The following MYO5A variants were observed in gnomAD, a reference collection of about 807,000 sequenced individuals.
MYO5A encodes unconventional myosin-Va.
Under a neutral mutation model 249.7 loss-of-function variants are expected in MYO5A, and 98 were observed. The ratio of observed to expected loss-of-function variants is 0.39; its 90% CI spans 0.33 to 0.46. The LOEUF is 0.46. MYO5A is among the 20% of genes least tolerant of loss of function. The pLI is 0.98. For missense variants in MYO5A, 1,696 were observed against 2,308.8 expected (o/e 0.73, Z 5.44); for synonymous variants, 778 against 810.6 (o/e 0.96, Z 0.68).
chr15:52,485,664 C>T (rs990788726), intron 1 of MYO5A, among the ~76,000 whole-genome samples: 2 of 152,128 alleles, frequency 1.3e-5, no homozygotes, highest in Non-Finnish European at 2.9e-5. Context: ...TTTTTCACAT[C>T]ATAGCCAGAA....
In MYO5A at chr15:52,375,340, G is replaced by A. The variant is rs766946436; in HGVS notation, c.2541C>T (p.Tyr847=). 2.5e-6 allele frequency: 4 copies of A among 1,614,130 alleles called. No individual in the cohort carries two copies. The highest frequency in any genetic ancestry group is 3.4e-6 in the Non-Finnish European group (4 of 1,179,982). Residue 847 remains tyrosine, a synonymous_variant, in exon 20 of 42, where the codon TAC becomes TAT. Transcript: ENST00000399233. ...TATTTCTGGCCAAGAAGCCTCGCAA[G>A]TAAGACTGAAGAACGATAGTGGCAG... The part of the protein sequence containing the change: ...RRAATIVLQS[Y]LRGFLARNRY...
At chr15:52,400,324 GA>G (rs1228694641) in intron 9 of MYO5A, among the ~76,000 whole-genome samples, 1 of 152,106 alleles carries the variant, frequency 6.6e-6, no homozygotes, top group Admixed American at 6.5e-5. Flanking sequence ...CCTTTTGTGT[GA>G]GGGGGCAGGG....
chr15:52,389,376 A>G lies in MYO5A; in HGVS notation c.1543-13T>C, dbSNP rs1724623. On this transcript the variant is annotated splice_polypyrimidine_tract_variant and intron_variant, in intron 12 of 41. Coordinates refer to ENST00000399233, the MANE Select transcript of MYO5A (RefSeq NM_001382347.1). ...TGCCTTTAGGCATCTATATTCATGG[A>G]AAAAAGGAAGAAAGAAAACAAGGTA... is the stretch of plus-strand genomic sequence containing the variant. 0.98 allele frequency: 1,575,059 copies of G among 1,602,854 alleles called. 774,133 individuals are homozygous for G. The highest frequency in any genetic ancestry group is 1 in the Non-Finnish European group (1,172,887 of 1,175,952).
rs916222177 is a variant in MYO5A at position 52,307,799 on chromosome 15, G to T, written c.*5897C>A. Reference sequence around the variant, plus strand: ...TAAAATACAATATGTTAAATGGCATGAACTCATTTTTGCGCAACACTGTTA... The same window carrying T: ...TAAAATACAATATGTTAAATGGCATTAACTCATTTTTGCGCAACACTGTTA... On this transcript the variant is annotated 3_prime_UTR_variant, in exon 42 of 42. Transcript: ENST00000399233. 8.5e-5 allele frequency: 13 copies of T among 152,104 alleles called. No homozygotes were observed. The highest frequency in any genetic ancestry group is 7.4e-5 in the Non-Finnish European group (5 of 67,996). The allele number at this position is 152,104 out of a possible 1,614,324, so 9.4% of individuals were successfully genotyped here. A position where few individuals can be genotyped will look rare whatever the true frequency, so the allele number is the denominator to read the frequency against.
At chr15:52,366,089 A>C (rs1476760838) in intron 23 of MYO5A, among the ~76,000 whole-genome samples, 1 of 152,020 alleles carries the variant, frequency 6.6e-6, no homozygotes, top group African/African-American at 2.4e-5. Context: ...TTACCACCAC[A>C]GTTTTAATGG....
At chr15:52,322,545 C>T (rs1157386230) in intron 37 of MYO5A, among the ~76,000 whole-genome samples, 1 of 152,198 alleles carries the variant, frequency 6.6e-6, no homozygotes, top group Non-Finnish European at 1.5e-5. Context: ...GACTATAATT[C>T]CTACCTCACA....
intron 14 of MYO5A, among the ~76,000 whole-genome samples, chr15:52,386,225 C>T (rs1327730257): frequency 6.6e-6 from 1 of 151,992 alleles, no homozygotes. Flanking sequence ...GGAAGGATCA[C>T]CTGAGCCAGG....
At chr15:52,431,005 G>T (rs1042214080) in intron 2 of MYO5A, among the ~76,000 whole-genome samples, 9 of 149,792 alleles carry the variant, frequency 6.0e-5, no homozygotes, top group Non-Finnish European at 1.2e-4. Flanking sequence ...GCCGAGGTGG[G>T]TGGATCACTT....
chr15:52,437,968 T>G lies in MYO5A; in HGVS notation c.28-4683A>C, dbSNP rs745347702. The G allele has an allele frequency of 9.5e-4, 872 of 921,422 alleles. 1 individual carries two copies. Among genetic ancestry groups the G allele is most frequent in the Non-Finnish European group, 1.1e-3 (859 of 771,760 alleles). The allele number at this position is 921,422 out of a possible 1,614,324, so 57.1% of individuals were successfully genotyped here. A position where few individuals can be genotyped will look rare whatever the true frequency, so the allele number is the denominator to read the frequency against. On this transcript the variant is annotated intron_variant, in intron 1 of 41. Coordinates refer to ENST00000399233, the MANE Select transcript of MYO5A (RefSeq NM_001382347.1). ...CTGATAACCAATTTCCTCTTTATCT[T>G]AGCTTTACCTCTGAGGAAAGCATCC...
In MYO5A at chr15:52,367,135, A is replaced by C; in HGVS notation, c.3067-11T>G. On this transcript the variant is annotated splice_polypyrimidine_tract_variant and intron_variant, in intron 22 of 41. Coordinates refer to ENST00000399233, the MANE Select transcript of MYO5A (RefSeq NM_001382347.1). ...CAGATTTGATACCAGCTACGAAATG[A>C]AACAATAAACTGAGATGGTTGCAAT... is the stretch of plus-strand genomic sequence containing the variant. 2 of 1,607,210 alleles carry C rather than the reference A, an allele frequency of 1.2e-6. No individual in the cohort carries two copies. Among genetic ancestry groups the C allele is most frequent in the Non-Finnish European group, 1.7e-6 (2 of 1,174,436 alleles).
At chr15:52,525,015 T>G (rs936237877) in intron 1 of MYO5A, among the ~76,000 whole-genome samples, 1 of 152,108 alleles carries the variant, frequency 6.6e-6, no homozygotes, top group African/African-American at 2.4e-5. Flanking sequence ...TTCCCGATAA[T>G]CCTTCTAGGT....
chr15:52,327,995 G>C lies in MYO5A; in HGVS notation c.4567C>G (p.Arg1523Gly). 1.9e-6 allele frequency: 3 copies of C among 1,613,096 alleles called. No homozygotes were observed. Among genetic ancestry groups the C allele is most frequent in the Non-Finnish European group, 2.5e-6 (3 of 1,179,304 alleles). ...VKNLILELKPRGVAVNLIPGL... is the reference protein window; with the variant it reads ...VKNLILELKPGGVAVNLIPGL... ...GGAATCAAATTGACTGCTACACCAC[G>C]TGGCTTCAGTTCTAAAAAAGAAAAA... Residue 1523 changes from arginine (R) to glycine (G), a missense_variant, in exon 36 of 42, where the codon CGT (arginine) becomes GGT (glycine). By Grantham distance (125) the Arg-to-Gly change is moderately radical (BLOSUM62 -2). This residue lies in a region of MYO5A where 625 missense variants were observed against 908.1 expected (regional missense o/e 0.69). Transcript: ENST00000399233.
At chr15:52,367,225 T>C in intron 22 of MYO5A, 101 bp from the exon 23 acceptor site, 1 of 996,458 alleles carries the variant, frequency 1.0e-6, no homozygotes. Context: ...TTCCACCACC[T>C]CTGTGCTCCC....
At chr15:52,323,706 A>C (rs1167535136) in intron 36 of MYO5A, 1 of 379,972 alleles carries the variant, frequency 2.6e-6, no homozygotes, top group Admixed American at 3.7e-5. Flanking sequence ...TCCTTTAAGC[A>C]GAAAAAAATT....
intron 28 of MYO5A, among the ~76,000 whole-genome samples, 186 bp from the exon 29 acceptor site, chr15:52,349,012 G>T (rs1177996756): frequency 1.3e-5 from 2 of 152,096 alleles, no homozygotes; most frequent in Non-Finnish European, 2.9e-5. Flanking sequence ...ATAAAACAGA[G>T]ACTAATATAT....
At chr15:52,517,610 C>T (rs188619352) in intron 1 of MYO5A, among the ~76,000 whole-genome samples, 2 of 152,304 alleles carry the variant, frequency 1.3e-5, no homozygotes, top group East Asian at 3.9e-4. Flanking sequence ...ACTCCAGAGG[C>T]TGAGGCAGAG....
intron 1 of MYO5A, among the ~76,000 whole-genome samples, chr15:52,474,838 G>T (rs1238698866): frequency 1.3e-5 from 2 of 151,496 alleles, no homozygotes; most frequent in East Asian, 1.9e-4. Flanking sequence ...AGGGATATTG[G>T]CCTAAAATTC....
At chr15:52,461,633 A>G (rs1330801281) in intron 1 of MYO5A, among the ~76,000 whole-genome samples, 1 of 152,130 alleles carries the variant, frequency 6.6e-6, no homozygotes, top group African/African-American at 2.4e-5. Context: ...CTCTCCCCAT[A>G]GCTTAGGTAG....
intron 3 of MYO5A, among the ~76,000 whole-genome samples, chr15:52,426,980 A>C (rs570925980): frequency 3.3e-5 from 5 of 151,956 alleles, no homozygotes; most frequent in African/African-American, 9.7e-5. Context: ...GGTCCAAATC[A>C]TGTTTTTGAA....
Sources: gnomAD v4.1 joint callset for allele counts (sites outside exome capture counted in the v4.1 genomes callset) on GRCh38, gnomAD v4.1.1 for gene constraint, gnomAD v4.1.1 regional missense constraint, MANE v1.5 for transcripts, NCBI Gene and HGNC (gene_info 2026-07-23, HGNC 2026-07-21) for gene names.